The following COLEC10 variants were observed in gnomAD, a reference collection of about 807,000 sequenced individuals.
COLEC10 encodes the protein collectin-10.
In COLEC10, 22 loss-of-function variants were observed where a neutral mutation model predicts 28.4. The ratio of observed to expected loss-of-function variants is 0.78; its 90% CI spans 0.55 to 1.11. COLEC10 has a LOEUF of 1.11. COLEC10 is among the 50% of genes least tolerant of loss of function. COLEC10 has a pLI of 0.00. For missense variants in COLEC10, 361 were observed against 344.1 expected, an observed-to-expected ratio of 1.05 and a Z score of -0.39; for synonymous variants, 125 against 116.1, an observed-to-expected ratio of 1.08 and a Z score of -0.49.
chr8:118,999,021 A>G (rs973838933), intron 1 of COLEC10, among the ~76,000 whole-genome samples: 2 of 152,114 alleles, frequency 1.3e-5, no homozygotes, highest in Non-Finnish European at 2.9e-5. Flanking sequence ...CCTAATTTTC[A>G]TAAGAACCCC....
intron 4 of COLEC10, 144 bp downstream of exon 4, chr8:119,102,545 G>A (rs1815858360): frequency 3.0e-6 from 2 of 663,192 alleles, no homozygotes; most frequent in Non-Finnish European, 4.9e-6. Flanking sequence ...AAGGGAAGAA[G>A]GGGACTTTCC....
the COLEC10 span, among the ~76,000 whole-genome samples, chr8:118,961,161 T>G: frequency 6.6e-6 from 1 of 152,174 alleles, no homozygotes; most frequent in African/African-American, 2.4e-5. Context: ...TGATTAATAT[T>G]CCTACTATAG....
chr8:119,092,072 T>TC (rs1815615972), intron 3 of COLEC10, among the ~76,000 whole-genome samples: 1 of 143,250 alleles, frequency 7.0e-6, no homozygotes, highest in Non-Finnish European at 1.5e-5. Flanking sequence ...CCTAATTTTT[T>TC]TTTTTTTTTT....
chr8:119,065,855 CAA>C (rs3083298), upstream of COLEC10, among the ~76,000 whole-genome samples: 1 of 137,550 alleles, frequency 7.3e-6, no homozygotes, highest in Admixed American at 7.3e-5. Flanking sequence ...GACTCCATCT[CAA>C]AAAAAAAAAA....
At chr8:119,059,706 G>A (rs555743267) in intron 2 of COLEC10, among the ~76,000 whole-genome samples, 1 of 151,926 alleles carries the variant, frequency 6.6e-6, no homozygotes, top group Non-Finnish European at 1.5e-5. Flanking sequence ...ATACATGAAG[G>A]CCTCATACTT....
At chr8:119,005,600 A>T (rs1214203551) in intron 1 of COLEC10, among the ~76,000 whole-genome samples, 2 of 152,118 alleles carry the variant, frequency 1.3e-5, no homozygotes, top group East Asian at 3.9e-4. Context: ...TTACTTCCCA[A>T]ATAAATTACC....
rs1815554791 is a variant in COLEC10 at position 119,089,859 on chromosome 8, C to A, written c.220+108C>A. 8 of 798,034 alleles carry A rather than the reference C, an allele frequency of 1.0e-5. No individual in the cohort carries two copies. In the East Asian group the frequency reaches 1.9e-4, roughly 19 times the overall value. The allele number at this position is 798,034 out of a possible 1,614,324, so 49.4% of individuals were successfully genotyped here. A position where few individuals can be genotyped will look rare whatever the true frequency, so the allele number is the denominator to read the frequency against. ...GCTTTCATAATGCCCTCTGCCCCAACAATGCCTGAAATATATTTCACACAT... is the reference window on the plus strand; with the variant it reads ...GCTTTCATAATGCCCTCTGCCCCAAAAATGCCTGAAATATATTTCACACAT... On this transcript the variant is annotated intron_variant, in intron 2 of 5. Transcript: ENST00000332843.
chr8:118,985,494 A>G, the COLEC10 span, among the ~76,000 whole-genome samples: 2 of 152,012 alleles, frequency 1.3e-5, no homozygotes, highest in African/African-American at 4.8e-5. Flanking sequence ...TGTTGAGTAA[A>G]TGTGTTATTT....
chr8:119,091,573 A>AAGAAAGAAAG (rs1554629251), intron 3 of COLEC10, among the ~76,000 whole-genome samples: 3 of 140,556 alleles, frequency 2.1e-5, no homozygotes. Flanking sequence ...GAAAGAAAGA[A>AAGAAAGAAAG]AGAGAGAGAG....
chr8:119,044,715 C>T (rs980110961), intron 2 of COLEC10, among the ~76,000 whole-genome samples: 5 of 151,712 alleles, frequency 3.3e-5, no homozygotes, highest in African/African-American at 7.3e-5. Flanking sequence ...ATTAGCCAGG[C>T]GTGGTGGCTC....
intron 2 of COLEC10, among the ~76,000 whole-genome samples, chr8:119,013,797 T>C (rs1813942686): frequency 2.0e-5 from 3 of 150,856 alleles, no homozygotes; most frequent in Admixed American, 2.0e-4. Context: ...TCCTGCTTTA[T>C]TTTGATTAGT....
intron 2 of COLEC10, among the ~76,000 whole-genome samples, chr8:119,034,310 A>G (rs60362434): frequency 0.044 from 6,650 of 152,076 alleles, 212 homozygotes; most frequent in East Asian, 0.16. Flanking sequence ...TGATGGGTGC[A>G]GCCAACCACC....
At position 119,107,509 on chromosome 8, in the gene COLEC10, G is replaced by T. The variant is rs1217785990; in HGVS notation, c.*1318G>T. Among the ~76,000 whole-genome samples the T allele has an allele frequency of 6.6e-6, 1 of 152,194 alleles. No homozygotes were observed. The highest frequency in any genetic ancestry group is 1.5e-5 in the Non-Finnish European group (1 of 68,032). The stretch of plus-strand genomic sequence containing the variant: ...AGACTGTTTCAAATGCTGGCAAAAT[G>T]GTTAATGAAGTAAGAGAAACAGATC... On this transcript the variant is annotated 3_prime_UTR_variant, in exon 6 of 6. Coordinates refer to ENST00000332843, the MANE Select transcript of COLEC10 (RefSeq NM_006438.5).
At chr8:119,012,097 G>A (rs1813908843) in intron 2 of COLEC10, among the ~76,000 whole-genome samples, 1 of 150,660 alleles carries the variant, frequency 6.6e-6, no homozygotes, top group Non-Finnish European at 1.5e-5. Flanking sequence ...TTAGCAGTAG[G>A]CTTTTTAAAT....
intron 2 of COLEC10, among the ~76,000 whole-genome samples, chr8:119,061,022 AAAAGCTAT>A (rs1814846359): frequency 6.6e-6 from 1 of 152,156 alleles, no homozygotes; most frequent in Admixed American, 6.6e-5. Flanking sequence ...AAAGTAAGAC[AAAAGCTAT>A]AAAGGAAGAA....
chr8:119,022,419 A>G (rs774766611), intron 2 of COLEC10, among the ~76,000 whole-genome samples: 1 of 152,150 alleles, frequency 6.6e-6, no homozygotes, highest in Non-Finnish European at 1.5e-5. Context: ...AATGTATGTT[A>G]ACATTACATA....
chr8:119,049,902 G>T (rs955347915), intron 2 of COLEC10, among the ~76,000 whole-genome samples: 3 of 152,030 alleles, frequency 2.0e-5, no homozygotes, highest in East Asian at 1.9e-4. Flanking sequence ...TCCCTATTTT[G>T]GGGGGAATAC....
the COLEC10 span, among the ~76,000 whole-genome samples, chr8:118,964,936 G>T: frequency 6.6e-6 from 1 of 152,152 alleles, no homozygotes; most frequent in Non-Finnish European, 1.5e-5. Context: ...GATACCATGG[G>T]AATTGAAAGC....
chr8:119,095,706 C>CA (rs1024987254), intron 3 of COLEC10, among the ~76,000 whole-genome samples: 88 of 151,902 alleles, frequency 5.8e-4, no homozygotes, highest in African/African-American at 2.0e-3. Flanking sequence ...TATCTCAAAA[C>CA]AAAAAACAAA....
Sources: allele counts gnomAD v4.1 joint callset (sites outside exome capture counted in the v4.1 genomes callset), GRCh38; gene constraint gnomAD v4.1.1; transcripts MANE v1.5; gene names NCBI Gene and HGNC (gene_info 2026-07-23, HGNC 2026-07-21).